PKP4: variants seen among roughly 807,000 people sequenced by gnomAD.
The protein encoded by PKP4 is plakophilin 4, also known as plakophilin-4.
PKP4 carries 90 observed loss-of-function variants against 145.1 expected under a neutral mutation model. The ratio of observed to expected loss-of-function variants is 0.62; its 90% confidence interval spans 0.52 to 0.74. The LOEUF (loss-of-function observed/expected upper bound fraction) is 0.74. PKP4 is among the 30% of genes least tolerant of loss of function. The probability of loss-of-function intolerance (pLI) is 0.00; values close to 1 mark genes in which losing one functional copy is unlikely to be tolerated. For synonymous variants in PKP4, 563 were observed against 577.2 expected, an observed-to-expected ratio of 0.98 and a Z score of 0.35; for missense variants, 1,340 against 1,482.7, an observed-to-expected ratio of 0.90 and a Z score of 1.58.
chr2:158,530,432 A>C (rs571036484), intron 1 of PKP4, among the ~76,000 whole-genome samples: 1 of 151,756 alleles, frequency 6.6e-6, no homozygotes, highest in South Asian at 2.1e-4. Context: ...AAATCAAGCA[A>C]ATTGAGGTCA....
chr2:158,602,928 A>G (rs774437397), intron 3 of PKP4, 142 bp from the exon 4 acceptor site: 6 of 476,002 alleles, frequency 1.3e-5, no homozygotes, highest in South Asian at 9.6e-5. Flanking sequence ...ATTAACTTAG[A>G]TAAGTTTAAA....
intron 1 of PKP4, among the ~76,000 whole-genome samples, chr2:158,504,035 A>G (rs958197599): frequency 1.4e-5 from 2 of 143,716 alleles, no homozygotes; most frequent in African/African-American, 5.2e-5. Flanking sequence ...CGTTTGCCAT[A>G]GATTTTATAG....
chr2:158,477,570 C>T (rs904159082), intron 1 of PKP4, among the ~76,000 whole-genome samples: 1 of 152,082 alleles, frequency 6.6e-6, no homozygotes, highest in African/African-American at 2.4e-5. Context: ...GGGATAGACC[C>T]CGTAAAGAAG....
At chr2:158,545,793 A>G (rs2044976882) in intron 2 of PKP4, among the ~76,000 whole-genome samples, 1 of 152,152 alleles carries the variant, frequency 6.6e-6, no homozygotes, top group Non-Finnish European at 1.5e-5. Flanking sequence ...TTGAAGGTAA[A>G]ATATTTTCAT....
chr2:158,509,034 A>C (rs55912717), intron 1 of PKP4, among the ~76,000 whole-genome samples: 29,702 of 152,082 alleles, frequency 0.2, 3,776 homozygotes, highest in Middle Eastern at 0.34. Context: ...GTGAATTTCA[A>C]ATTATAGTTT....
chr2:158,674,025 G>C, intron 19 of PKP4, 25 bp downstream of exon 19: 1 of 1,226,758 alleles, frequency 8.2e-7, no homozygotes, highest in Non-Finnish European at 1.2e-6. Context: ...GCCACTCCTT[G>C]GCGAGAACCT....
chr2:158,595,903 T>A (rs1451069462), intron 3 of PKP4, among the ~76,000 whole-genome samples: 1 of 152,144 alleles, frequency 6.6e-6, no homozygotes, highest in East Asian at 1.9e-4. Context: ...CCAGTTCACA[T>A]AACTAAGAGG....
At chr2:158,615,086 G>C (rs962523757) in intron 4 of PKP4, among the ~76,000 whole-genome samples, 2 of 151,510 alleles carry the variant, frequency 1.3e-5, no homozygotes, top group Non-Finnish European at 2.9e-5. Context: ...TTTTGATAGT[G>C]AATATCATCC....
chr2:158,672,694 GAAA>G (rs1334064484), intron 17 of PKP4, among the ~76,000 whole-genome samples: 12 of 152,298 alleles, frequency 7.9e-5, no homozygotes, highest in African/African-American at 2.6e-4. Context: ...AAAAAGGTTA[GAAA>G]GGCTTTGAGT....
chr2:158,591,794 G>C (rs999232), intron 3 of PKP4, among the ~76,000 whole-genome samples: 78,088 of 151,800 alleles, frequency 0.51, 20,448 homozygotes, highest in South Asian at 0.69. Flanking sequence ...CACATACCAT[G>C]TAATACCTTT....
At position 158,613,967 on chromosome 2, in the gene PKP4, C is replaced by T. The variant is rs192458325; in HGVS notation, c.281-7023C>T. On this transcript the variant is annotated intron_variant, in intron 4 of 21. Transcript: ENST00000389759. ...AACATGAAAATGAAGGAATGGGTGCCCCTTTCTAAATTGAGGGACTTAAAT... is the reference window on the plus strand; with the variant it reads ...AACATGAAAATGAAGGAATGGGTGCTCCTTTCTAAATTGAGGGACTTAAAT... 7.2e-4 allele frequency among the ~76,000 whole-genome samples: 110 copies of T among 152,200 alleles called. 2 individuals are homozygous for T. The South Asian group carries it at 8.9e-3, about 12-fold the overall frequency.
intron 16 of PKP4, among the ~76,000 whole-genome samples, chr2:158,668,654 A>G (rs994275963): frequency 6.6e-6 from 1 of 152,210 alleles, no homozygotes; most frequent in African/African-American, 2.4e-5. Flanking sequence ...CTAACTTATC[A>G]TCTGCTCTGA....
chr2:158,534,974 G>A (rs1043970563), intron 2 of PKP4, among the ~76,000 whole-genome samples: 1 of 152,046 alleles, frequency 6.6e-6, no homozygotes, highest in African/African-American at 2.4e-5. Flanking sequence ...TCTAGTCTTT[G>A]GTTCTGTTCC....
At chr2:158,541,720 A>G (rs893329012) in intron 2 of PKP4, among the ~76,000 whole-genome samples, 4 of 152,140 alleles carry the variant, frequency 2.6e-5, no homozygotes, top group African/African-American at 7.2e-5. Context: ...AAGCATTTCA[A>G]TTTATAGACT....
chr2:158,542,446 G>A (rs1054762334), intron 2 of PKP4, among the ~76,000 whole-genome samples: 23 of 152,318 alleles, frequency 1.5e-4, no homozygotes, highest in African/African-American at 4.8e-4. Context: ...GTATTTATGG[G>A]TACTGAACAG....
At chr2:158,579,229 A>G (rs1223170614) in intron 3 of PKP4, among the ~76,000 whole-genome samples, 1 of 152,152 alleles carries the variant, frequency 6.6e-6, no homozygotes, top group East Asian at 1.9e-4. Context: ...AGATGACAGA[A>G]TAGGACTTGT....
chr2:158,613,049 A>G (rs887589432), intron 4 of PKP4, among the ~76,000 whole-genome samples: 1 of 152,190 alleles, frequency 6.6e-6, no homozygotes, highest in African/African-American at 2.4e-5. Flanking sequence ...GTGGGTGCCA[A>G]CATCTCACTC....
chr2:158,585,784 A>G lies in PKP4; in HGVS notation c.245+8401A>G, dbSNP rs373607787. Among the ~76,000 whole-genome samples, 50 of 151,980 alleles carry G rather than the reference A, an allele frequency of 3.3e-4. No homozygotes were observed. In the East Asian group the frequency reaches 8.7e-3, roughly 27 times the overall value. ...ACTATTTTATTGGGATACATTTCACATACCATAAAATCCATACTTTTGAAG... is the reference window on the plus strand; with the variant it reads ...ACTATTTTATTGGGATACATTTCACGTACCATAAAATCCATACTTTTGAAG... On this transcript the variant is annotated intron_variant, in intron 3 of 21. Coordinates refer to ENST00000389759, the MANE Select transcript of PKP4 (RefSeq NM_003628.6).
Position 158,635,113 on chromosome 2 carries a change from C to T in PKP4, c.1562+824C>T, listed in dbSNP as rs1018906125. Reference sequence around the variant, plus strand: ...TTCACTCTTCGCCCACAAATAGTTGCTTCACTGGAAAATTGTTATAATTAT... The same window carrying T: ...TTCACTCTTCGCCCACAAATAGTTGTTTCACTGGAAAATTGTTATAATTAT... On this transcript the variant is annotated intron_variant, in intron 9 of 21. Transcript: ENST00000389759. Among the ~76,000 whole-genome samples, 96 of 152,152 alleles carry T rather than the reference C, an allele frequency of 6.3e-4. 1 individual carries two copies. The highest frequency in any genetic ancestry group is 2.2e-3 in the African/African-American group (93 of 41,426).
Sources: gnomAD v4.1 joint callset for allele counts (sites outside exome capture counted in the v4.1 genomes callset) on GRCh38, gnomAD v4.1.1 for gene constraint, MANE v1.5 for transcripts, NCBI Gene and HGNC (gene_info 2026-07-23, HGNC 2026-07-21) for gene names.